OGT: variants seen among roughly 807,000 people sequenced by gnomAD.
The protein encoded by OGT is UDP-N-acetylglucosamine--peptide N-acetylglucosaminyltransferase 110 kDa subunit.
Under a neutral mutation model 75.8 loss-of-function variants are expected in OGT, and 3 were observed. The ratio of observed to expected loss-of-function variants is 0.04; its 90% CI spans 0.02 to 0.10. The LOEUF (loss-of-function observed/expected upper bound fraction) is 0.10. OGT is among the 10% of genes least tolerant of loss of function. The pLI is 1.00. For synonymous variants in OGT, 257 were observed against 289.7 expected (o/e 0.89, Z 1.15); for missense variants, 260 against 824.4 (o/e 0.32, Z 8.38).
intron 15 of OGT, 149 bp downstream of exon 15, chrX:71,562,049 A>G (rs1171457828): frequency 7.6e-6 from 4 of 525,426 alleles, no homozygotes; most frequent in Non-Finnish European, 1.2e-5. Flanking sequence ...GCACAGGACA[A>G]AAAGAGTGTA....
intron 5 of OGT, among the ~76,000 whole-genome samples, chrX:71,553,182 C>T (rs1361484916): frequency 9.0e-6 from 1 of 111,370 alleles, no homozygotes; most frequent in Non-Finnish European, 1.9e-5. Flanking sequence ...GCTTCCGCCT[C>T]CCAGGTTCAA....
At position 71,561,626 on chromosome X, in the gene OGT, T is replaced by C. The variant is rs1191496399; in HGVS notation, c.1852-149T>C. The C allele has an allele frequency of 4.7e-5, 19 of 407,996 alleles. No homozygotes were observed. In the South Asian group the frequency reaches 1.2e-3, roughly 25 times the overall value. 33.6% of individuals were successfully genotyped at this position (407,996 alleles called of 1,213,427 possible). On this transcript the variant is annotated intron_variant, in intron 14 of 21. Transcript: ENST00000373719. The stretch of plus-strand genomic sequence containing the variant: ...TCAACCATATTTGTGCCCGAATTAA[T>C]GTAGTTAATTTGTGTTCTTACCTCT...
chrX:71,561,603 A>G (rs1481208808), intron 14 of OGT, among the ~76,000 whole-genome samples, 172 bp from the exon 15 acceptor site: 1 of 111,747 alleles, frequency 8.9e-6, no homozygotes, highest in Non-Finnish European at 1.9e-5. Context: ...AATGACAGTC[A>G]ACCATATTTG....
chrX:71,566,120 T>A (rs2040414946), intron 19 of OGT, among the ~76,000 whole-genome samples: 1 of 111,911 alleles, frequency 8.9e-6, no homozygotes, highest in Non-Finnish European at 1.9e-5. Context: ...TTCCCCGATA[T>A]CTGTTTTGTT....
rs1183905371 is a variant in OGT, at chrX:71,575,828, A to C, written c.*2034A>C. The C allele has an allele frequency of 8.9e-6, 1 of 112,609 alleles. No individual in the cohort carries two copies. The highest frequency in any genetic ancestry group is 3.2e-5 in the African/African-American group (1 of 30,922). The allele number at this position is 112,609 out of a possible 1,213,427, so 9.3% of individuals were successfully genotyped here. ...GCTTTATCAAAGAAGTAAAACATTT[A>C]AATCGTACTACAGAAATTAAGATGT... On this transcript the variant is annotated 3_prime_UTR_variant, in exon 22 of 22. Transcript: ENST00000373719.
At chrX:71,561,715 G>A (rs904593817) in intron 14 of OGT, 60 bp from the exon 15 acceptor site, 73 of 982,857 alleles carry the variant, frequency 7.4e-5, no homozygotes, top group Non-Finnish European at 9.2e-5. Context: ...AAAACTAAAT[G>A]TCATTAAAAC....
chrX:71,555,831 C>CA, intron 7 of OGT, 123 bp from the exon 8 acceptor site: 1 of 861,830 alleles, frequency 1.2e-6, no homozygotes, highest in Non-Finnish European at 1.6e-6. Context: ...GTAAGAATAC[C>CA]AAAAAATATC....
chrX:71,542,826 T>A (rs928136823), intron 3 of OGT, among the ~76,000 whole-genome samples: 12 of 112,432 alleles, frequency 1.1e-4, no homozygotes, highest in Non-Finnish European at 2.1e-4. Context: ...GATAGCAAGA[T>A]TATATAATTC....
At chrX:71,541,038 T>C (rs997773553) in intron 3 of OGT, among the ~76,000 whole-genome samples, 9 of 112,052 alleles carry the variant, frequency 8.0e-5, no homozygotes, top group Non-Finnish European at 1.5e-4. Flanking sequence ...TTCTTTGACA[T>C]GGTGACTCAC....
intron 3 of OGT, among the ~76,000 whole-genome samples, chrX:71,542,294 C>T (rs920787512): frequency 4.5e-5 from 5 of 111,606 alleles, no homozygotes; most frequent in Admixed American, 3.8e-4. Flanking sequence ...TGGTGGTGCC[C>T]GTGCGTTTTC....
At chrX:71,543,167 T>G (rs1312672826) in intron 3 of OGT, among the ~76,000 whole-genome samples, 1 of 111,833 alleles carries the variant, frequency 8.9e-6, no homozygotes, top group Non-Finnish European at 1.9e-5. Context: ...TTGGAAACCA[T>G]AATATAGTTC....
At chrX:71,541,025 A>G (rs746533886) in intron 3 of OGT, among the ~76,000 whole-genome samples, 7 of 112,061 alleles carry the variant, frequency 6.2e-5, no homozygotes, top group Non-Finnish European at 1.1e-4. Context: ...GTGACAGCAC[A>G]TGTTCTTTGA....
At chrX:71,546,525 G>T in intron 4 of OGT, 7 of 754,212 alleles carry the variant, frequency 9.3e-6, no homozygotes, top group Non-Finnish European at 1.1e-5. Context: ...AAAACAATTT[G>T]CCTCCATGCC....
At chrX:71,553,487 G>A (rs1244376985) in intron 5 of OGT, 2 of 107,209 alleles carry the variant, frequency 1.9e-5, no homozygotes, top group Non-Finnish European at 3.9e-5. Context: ...TTTTGTTTTT[G>A]TTTTTTGTTT....
chrX:71,558,549 T>G (rs1285319488), intron 12 of OGT, among the ~76,000 whole-genome samples: 2 of 108,931 alleles, frequency 1.8e-5, no homozygotes, highest in Non-Finnish European at 3.8e-5. Context: ...TTAGTAGAGA[T>G]AGGGCTTTGC....
chrX:71,534,432 T>G (rs1167304398), intron 1 of OGT: 4 of 110,844 alleles, frequency 3.6e-5, no homozygotes, highest in Non-Finnish European at 7.5e-5. Flanking sequence ...CCTTTCCATA[T>G]TGAGGCGATT....
At chrX:71,551,929 C>T (rs758820547) in intron 5 of OGT, among the ~76,000 whole-genome samples, 29 of 110,970 alleles carry the variant, frequency 2.6e-4, no homozygotes, top group Admixed American at 4.8e-4. Context: ...ACTTTTAGGC[C>T]GGGTGCGGTA....
intron 9 of OGT, 34 bp from the exon 10 acceptor site, chrX:71,556,918 A>G: frequency 8.4e-7 from 1 of 1,186,612 alleles, no homozygotes; most frequent in Non-Finnish European, 1.1e-6. Context: ...AGATTTTTGT[A>G]TTGGAGAAAT....
intron 3 of OGT, among the ~76,000 whole-genome samples, chrX:71,541,282 T>C (rs1378143057): frequency 8.9e-6 from 1 of 112,160 alleles, no homozygotes; most frequent in African/African-American, 3.2e-5. Context: ...GCCTCTCTTA[T>C]ACAGCTGCAC....
Sources: gnomAD v4.1 joint callset for allele counts (sites outside exome capture counted in the v4.1 genomes callset) on GRCh38, gnomAD v4.1.1 for gene constraint, MANE v1.5 for transcripts, NCBI Gene and HGNC (gene_info 2026-07-23, HGNC 2026-07-21) for gene names.